Variants in EPS8 observed in about 807,000 individuals in gnomAD.
EPS8 encodes epidermal growth factor receptor kinase substrate 8.
Under a neutral mutation model 103.8 loss-of-function variants are expected in EPS8, and 42 were observed. The observed-to-expected ratio is 0.40, with a 90% CI of 0.32 to 0.52. The LOEUF is 0.52. Ranked by LOEUF, EPS8 falls within the 20% of genes least tolerant of loss-of-function variation. The pLI is 0.40. For missense variants in EPS8, 969 were observed against 1,005.1 expected, an observed-to-expected ratio of 0.96 and a Z score of 0.49; for synonymous variants, 344 against 344.6, an observed-to-expected ratio of 1.00 and a Z score of 0.02.
intron 3 of EPS8, among the ~76,000 whole-genome samples, chr12:15,678,313 T>C (rs1484887504): frequency 6.6e-6 from 1 of 152,188 alleles, no homozygotes; most frequent in Non-Finnish European, 1.5e-5. Flanking sequence ...ACTGTGTGTA[T>C]GTCTTTGTGC....
chr12:15,712,103 CAT>C (rs1302856270), intron 1 of EPS8, among the ~76,000 whole-genome samples: 5 of 152,198 alleles, frequency 3.3e-5, no homozygotes, highest in South Asian at 2.1e-4. Flanking sequence ...TTATGAATTA[CAT>C]GTTTGTCACT....
rs528671347 is a variant in EPS8, at chr12:15,745,140, C to T, written c.-22+44021G>A. Among the ~76,000 whole-genome samples the T allele has an allele frequency of 4.6e-5, 7 of 152,260 alleles. No individual in the cohort carries two copies. The highest frequency in any genetic ancestry group is 2.6e-4 in the Admixed American group (4 of 15,294). ...CCTCCCAAAGTGCTGGTATTATAGGCGTGAGCCACCATGCCTGGCCAATTG... is the reference window on the plus strand; with the variant it reads ...CCTCCCAAAGTGCTGGTATTATAGGTGTGAGCCACCATGCCTGGCCAATTG... On this transcript the variant is annotated intron_variant, in intron 1 of 20. Transcript: ENST00000281172. This position sits in a 1 kb window ranked among gnomAD's most constrained non-coding sequence, Gnocchi z 4.6.
At position 15,700,930 on chromosome 12, in the gene EPS8, T is replaced by C. The variant is rs949942680; in HGVS notation, c.-21-17958A>G. ...CAGCCAGGTTTCAAAGTAAAGAACA[T>C]TTTCATAAACATACGGTCAGGAGAA... On this transcript the variant is annotated intron_variant, in intron 1 of 20. Transcript: ENST00000281172. This position sits in a 1 kb window ranked among gnomAD's most constrained non-coding sequence, Gnocchi z 5.1. 2.2e-4 allele frequency among the ~76,000 whole-genome samples: 33 copies of C among 152,192 alleles called. No individual in the cohort carries two copies. Among genetic ancestry groups the C allele is most frequent in the Non-Finnish European group, 3.8e-4 (26 of 68,026 alleles).
At chr12:15,686,088 T>C (rs1372650053) in intron 1 of EPS8, among the ~76,000 whole-genome samples, 1 of 152,148 alleles carries the variant, frequency 6.6e-6, no homozygotes, top group African/African-American at 2.4e-5. Context: ...AAGCAAATTT[T>C]CTTCCACCTC....
chr12:15,681,728 CAAAAAA>C (rs71042267), intron 2 of EPS8, among the ~76,000 whole-genome samples: 7 of 39,228 alleles, frequency 1.8e-4, no homozygotes, highest in African/African-American at 6.7e-4. Flanking sequence ...GACTCTGTCT[CAAAAAA>C]AAAAAAAAAA....
intron 1 of EPS8, among the ~76,000 whole-genome samples, chr12:15,754,604 C>A (rs538078952): frequency 6.6e-6 from 1 of 152,322 alleles, no homozygotes; most frequent in East Asian, 1.9e-4. Context: ...ATAAAGAGAT[C>A]CAGAGAACTC....
chr12:15,656,082 G>A (rs1224426899), intron 12 of EPS8, among the ~76,000 whole-genome samples: 3 of 152,150 alleles, frequency 2.0e-5, no homozygotes, highest in Non-Finnish European at 4.4e-5. Context: ...GTATATGTCA[G>A]GGAAACCAGC....
At chr12:15,740,552 T>C (rs1359732223) in intron 1 of EPS8, among the ~76,000 whole-genome samples, 3 of 146,194 alleles carry the variant, frequency 2.1e-5, no homozygotes, top group Non-Finnish European at 4.5e-5. Flanking sequence ...CTAGAAAAAA[T>C]AAAAAATAAT....
intron 17 of EPS8, among the ~76,000 whole-genome samples, chr12:15,632,866 C>T (rs1271640045): frequency 6.6e-6 from 1 of 152,130 alleles, no homozygotes; most frequent in Non-Finnish European, 1.5e-5. Flanking sequence ...CTGTGGAAAC[C>T]GGTGTGGGAA....
rs948618901 is a variant in EPS8, at chr12:15,787,974, G to A, written c.-22+1187C>T. The A allele has an allele frequency of 3.9e-5, 6 of 152,166 alleles. No individual in the cohort carries two copies. The highest frequency in any genetic ancestry group is 8.8e-5 in the Non-Finnish European group (6 of 68,026). The allele number at this position is 152,166 out of a possible 1,614,324, so 9.4% of individuals were successfully genotyped here. A position where few individuals can be genotyped will look rare whatever the true frequency, so the allele number is the denominator to read the frequency against. On this transcript the variant is annotated intron_variant, in intron 1 of 20. Coordinates refer to ENST00000281172, the MANE Select transcript of EPS8 (RefSeq NM_004447.6). This position sits in a 1 kb window ranked among gnomAD's most constrained non-coding sequence, Gnocchi z 4.9. ...TCCAATAGACTCACTACCACATGAC[G>A]TCCATTACTAGTGCTCACTTTCCAG...
rs778555553 is a variant in EPS8, at chr12:15,764,692, C to G, written c.-22+24469G>C. Among the ~76,000 whole-genome samples, 10 of 152,124 alleles carry G rather than the reference C, an allele frequency of 6.6e-5. No individual in the cohort carries two copies. The highest frequency in any genetic ancestry group is 1.5e-4 in the Non-Finnish European group (10 of 68,026). ...CTTTTCAGTCAATAACTATGTCTGA[C>G]GTCAGCAATTCTGAGGTGCTAGATC... On this transcript the variant is annotated intron_variant, in intron 1 of 20. Transcript: ENST00000281172. The surrounding 1 kb of genome is among the most constrained non-coding windows in gnomAD (Gnocchi z 4.1).
rs1946395015 is a variant in EPS8, at chr12:15,706,943, T to C, written c.-21-23971A>G. On this transcript the variant is annotated intron_variant, in intron 1 of 20. Transcript: ENST00000281172. This position sits in a 1 kb window ranked among gnomAD's most constrained non-coding sequence, Gnocchi z 5.2. Reference sequence around the variant, plus strand: ...TCAGTCCTTATTAAATGTAAAACTTTAGGCTTACTTAGCCTCTATGAGCCT... The same window carrying C: ...TCAGTCCTTATTAAATGTAAAACTTCAGGCTTACTTAGCCTCTATGAGCCT... 6.6e-6 allele frequency among the ~76,000 whole-genome samples: 1 copy of C among 152,204 alleles called. No homozygotes were observed. The highest frequency in any genetic ancestry group is 2.4e-5 in the African/African-American group (1 of 41,456).
At chr12:15,726,348 T>C (rs1204411199) in intron 1 of EPS8, among the ~76,000 whole-genome samples, 1 of 152,000 alleles carries the variant, frequency 6.6e-6, no homozygotes, top group Admixed American at 6.6e-5. Context: ...ATCTGTGGGA[T>C]ATAAAATTCA....
At chr12:15,775,702 G>C (rs1425319195) in intron 1 of EPS8, among the ~76,000 whole-genome samples, 1 of 152,008 alleles carries the variant, frequency 6.6e-6, no homozygotes, top group African/African-American at 2.4e-5. Context: ...TTTTCATTTA[G>C]GTGTCTAACA....
intron 19 of EPS8, among the ~76,000 whole-genome samples, chr12:15,623,663 C>G (rs1944897423): frequency 6.6e-6 from 1 of 152,128 alleles, no homozygotes; most frequent in African/African-American, 2.4e-5. Flanking sequence ...TATAATATGT[C>G]AAGGTCCCTT....
At chr12:15,786,662 AG>A (rs1244127394) in intron 1 of EPS8, among the ~76,000 whole-genome samples, 6 of 152,146 alleles carry the variant, frequency 3.9e-5, no homozygotes, top group African/African-American at 7.2e-5. Context: ...CTGAGAAATA[AG>A]GTCTATTTTT....
At chr12:15,774,008 C>T (rs927196963) in intron 1 of EPS8, among the ~76,000 whole-genome samples, 1 of 151,864 alleles carries the variant, frequency 6.6e-6, no homozygotes, top group African/African-American at 2.4e-5. Context: ...TTTGGATAGT[C>T]GAGCAAATGT....
rs2135927422 is a variant in EPS8, at chr12:15,696,214, A to G, written c.-21-13242T>C. ...AAATATGTAAAAATAATTCTGAATG[A>G]GAATGCTATTATTTATTATATTTCA... On this transcript the variant is annotated intron_variant, in intron 1 of 20. Coordinates refer to ENST00000281172, the MANE Select transcript of EPS8 (RefSeq NM_004447.6). This position sits in a 1 kb window ranked among gnomAD's most constrained non-coding sequence, Gnocchi z 4.8. Among the ~76,000 whole-genome samples, 1 of 152,380 alleles carries G rather than the reference A, an allele frequency of 6.6e-6. No individual in the cohort carries two copies. Among genetic ancestry groups the G allele is most frequent in the South Asian group, 2.1e-4 (1 of 4,834 alleles).
chr12:15,723,096 G>A (rs1040600384), intron 1 of EPS8, among the ~76,000 whole-genome samples: 1 of 152,034 alleles, frequency 6.6e-6, no homozygotes, highest in African/African-American at 2.4e-5. Context: ...GGCTGAGGGG[G>A]ATGCATCACT....
Sources: allele counts gnomAD v4.1 joint callset (sites outside exome capture counted in the v4.1 genomes callset), GRCh38; gene constraint gnomAD v4.1.1; non-coding constraint Gnocchi (gnomAD v3.1); transcripts MANE v1.5; gene names NCBI Gene and HGNC (gene_info 2026-07-23, HGNC 2026-07-21).